MED29: variants seen among roughly 807,000 people sequenced by gnomAD.
MED29 encodes the protein mediator complex subunit 29, also known as mediator of RNA polymerase II transcription subunit 29.
MED29 carries 14 observed loss-of-function variants against 22.0 expected under a neutral mutation model. That is an observed-to-expected ratio of 0.64 (90% CI 0.42 to 0.99). The LOEUF (loss-of-function observed/expected upper bound fraction) is 0.99, where lower values mean the gene tolerates loss of function less well. Among genes scored for constraint, MED29 ranks in the 50% least tolerant of loss-of-function variants. MED29 has a pLI of 0.00. For synonymous variants in MED29, 123 were observed against 107.8 expected, an observed-to-expected ratio of 1.14 and a Z score of -0.87; for missense variants, 241 against 253.7, an observed-to-expected ratio of 0.95 and a Z score of 0.34.
At chr19:39,393,005 C>T (rs887618464) in intron 2 of MED29, among the ~76,000 whole-genome samples, 1 of 151,470 alleles carries the variant, frequency 6.6e-6, no homozygotes, top group Non-Finnish European at 1.5e-5. Flanking sequence ...CCACCTTGGC[C>T]TCCCAAAGTG....
rs1462421863 is a variant in MED29, at chr19:39,398,219, CTG to C, written c.*524_*525del. 7.8e-5 allele frequency: 13 copies of C among 166,612 alleles called. No individual in the cohort carries two copies. The highest frequency in any genetic ancestry group is 1.2e-4 in the Admixed American group (2 of 16,042). The allele number at this position is 166,612 out of a possible 1,614,324, so 10.3% of individuals were successfully genotyped here. A position where few individuals can be genotyped will look rare whatever the true frequency, so the allele number is the denominator to read the frequency against. ...CTATCCCCAGCTCCTAACTGGGACTCTGTGTCTATGCAGGGGGCCAGCACCCC... is the reference window on the plus strand; with the variant it reads ...CTATCCCCAGCTCCTAACTGGGACTCTGTCTATGCAGGGGGCCAGCACCCC... On this transcript the variant is annotated 3_prime_UTR_variant, in exon 4 of 4. Coordinates refer to ENST00000315588, the MANE Select transcript of MED29 (RefSeq NM_017592.4).
intron 3 of MED29, 112 bp from the exon 4 acceptor site, chr19:39,397,345 C>CT (rs1463439594): frequency 1.8e-5 from 22 of 1,227,732 alleles, no homozygotes; most frequent in Admixed American, 5.7e-5. Context: ...ACCTCTGACT[C>CT]TAAGACCTGG....
intron 2 of MED29, 102 bp downstream of exon 2, chr19:39,392,624 C>CTTTTTT (rs11432802): frequency 6.3e-5 from 33 of 520,392 alleles, no homozygotes; most frequent in South Asian, 1.7e-4. Context: ...TCTATATTTA[C>CTTTTTT]TTTTTTTTTT....
At chr19:39,392,322 ATTAC>A (rs757778185) in intron 1 of MED29, 138 bp from the exon 2 acceptor site, 38 of 723,442 alleles carry the variant, frequency 5.3e-5, no homozygotes, top group Non-Finnish European at 8.1e-5. Flanking sequence ...GGAAACGAAT[ATTAC>A]TTTGGAAAGT....
At chr19:39,392,389 A>G (rs1391461232) in intron 1 of MED29, 75 bp from the exon 2 acceptor site, 11 of 1,303,388 alleles carry the variant, frequency 8.4e-6, no homozygotes, top group South Asian at 2.4e-5. Context: ...TGATCTCAAG[A>G]AAGAGTGTAG....
chr19:39,392,623 A>AATTTT, intron 2 of MED29, 101 bp downstream of exon 2: 1 of 619,038 alleles, frequency 1.6e-6, no homozygotes. Context: ...TTCTATATTT[A>AATTTT]CTTTTTTTTT....
intron 1 of MED29, among the ~76,000 whole-genome samples, 188 bp from the exon 2 acceptor site, chr19:39,392,276 C>T (rs2078390147): frequency 6.6e-6 from 1 of 152,004 alleles, no homozygotes; most frequent in Non-Finnish European, 1.5e-5. Flanking sequence ...TGAGAGCGGG[C>T]CTCTGGGAGG....
Position 39,391,490 on chromosome 19 carries a change from C to T in MED29, c.68C>T (p.Ala23Val). ...GCTGGTGTATCGGGTCCTAGTTCGG[C>T]TGGCGGCCCGGGTCCCCAGCAGCAG... is the stretch of plus-strand genomic sequence containing the variant. ...SAAGVSGPSSAGGPGPQQQPQ... is the reference protein window; with the variant it reads ...SAAGVSGPSSVGGPGPQQQPQ... The change falls in exon 1 of 4, where the codon GCT becomes GTT. Residue 23 changes from alanine to valine, a missense_variant. Physicochemically the swap from Ala to Val is moderately conservative, Grantham distance 64 (BLOSUM62 0). Transcript: ENST00000315588. 1 of 1,612,926 alleles carries T rather than the reference C, an allele frequency of 6.2e-7. No individual in the cohort carries two copies. Among genetic ancestry groups the T allele is most frequent in the Non-Finnish European group, 8.5e-7 (1 of 1,179,874 alleles).
At chr19:39,394,839 G>A (rs906401113) in intron 3 of MED29, among the ~76,000 whole-genome samples, 4 of 151,298 alleles carry the variant, frequency 2.6e-5, no homozygotes, top group Non-Finnish European at 2.9e-5. Context: ...TGGGATTACA[G>A]GCGTGAGCTA....
At chr19:39,393,829 A>C (rs557678047) in intron 3 of MED29, among the ~76,000 whole-genome samples, 192 bp downstream of exon 3, 2 of 152,312 alleles carry the variant, frequency 1.3e-5, no homozygotes, top group East Asian at 3.9e-4. Flanking sequence ...GTGGAATAAT[A>C]AGCACACCCC....
chr19:39,395,311 T>C (rs1421630050), intron 3 of MED29, among the ~76,000 whole-genome samples: 1 of 152,222 alleles, frequency 6.6e-6, no homozygotes, highest in Non-Finnish European at 1.5e-5. Flanking sequence ...ATTTTGAATA[T>C]AATCCTAAGG....
chr19:39,397,526 G>T lies in MED29; in HGVS notation c.430G>T (p.Ala144Ser). The change falls in exon 4 of 4, where the codon GCC (alanine) becomes TCC (serine). Residue 144 changes from alanine (A) to serine (S), a missense_variant. Physicochemically the swap from Ala to Ser is moderately conservative, Grantham distance 99. Coordinates refer to ENST00000315588, the MANE Select transcript of MED29 (RefSeq NM_017592.4). ...AKHSPTLVPTATKPDAVQPDS... is the reference protein window; with the variant it reads ...AKHSPTLVPTSTKPDAVQPDS... Reference sequence around the variant, plus strand: ...GCACTCTCCAACGTTGGTGCCCACAGCCACCAAGCCCGACGCAGTGCAGCC... The same window carrying T: ...GCACTCTCCAACGTTGGTGCCCACATCCACCAAGCCCGACGCAGTGCAGCC... 6.2e-7 allele frequency: 1 copy of T among 1,612,700 alleles called. No homozygotes were observed.
At position 39,393,134 on chromosome 19, in the gene MED29, C is replaced by T. The variant is rs1360688797; in HGVS notation, c.276-419C>T. 1.0e-4 allele frequency among the ~76,000 whole-genome samples: 12 copies of T among 115,654 alleles called. No homozygotes were observed. The East Asian group carries it at 2.0e-3, about 19-fold the overall frequency. 75.9% of individuals were successfully genotyped at this position (115,654 alleles called of 152,430 possible). The stretch of plus-strand genomic sequence containing the variant: ...TTTTTGAGACAGAGTCTTGCTCTGT[C>T]GCCCAGGCTGGAGTGCAGTGGTGTA... On this transcript the variant is annotated intron_variant, in intron 2 of 3. Coordinates refer to ENST00000315588, the MANE Select transcript of MED29 (RefSeq NM_017592.4).
chr19:39,400,005 G>A lies in MED29; in HGVS notation c.*2306G>A, dbSNP rs1404945076. On this transcript the variant is annotated 3_prime_UTR_variant, in exon 4 of 4. Transcript: ENST00000315588. ...GCCCAAGGCCTGTATTTGTGGAGCT[G>A]ATGTTCTAGTGAGAGACAGTAAATG... The A allele has an allele frequency of 1.4e-4, 21 of 152,244 alleles. No homozygotes were observed. 9.4% of individuals were successfully genotyped at this position (152,244 alleles called of 1,614,324 possible).
At position 39,399,052 on chromosome 19, in the gene MED29, A is replaced by G. The variant is rs1486283397; in HGVS notation, c.*1353A>G. On this transcript the variant is annotated 3_prime_UTR_variant, in exon 4 of 4. Coordinates refer to ENST00000315588, the MANE Select transcript of MED29 (RefSeq NM_017592.4). ...CTAGGAGGAATTTCTCCTTCAGGGG[A>G]GCCTCAGTTTTGCCCATTTATCTAA... 2 of 152,184 alleles carry G rather than the reference A, an allele frequency of 1.3e-5. No individual in the cohort carries two copies. Among genetic ancestry groups the G allele is most frequent in the African/African-American group, 4.8e-5 (2 of 41,438 alleles). The allele number at this position is 152,184 out of a possible 1,614,324, so 9.4% of individuals were successfully genotyped here. A position where few individuals can be genotyped will look rare whatever the true frequency, so the allele number is the denominator to read the frequency against.
At chr19:39,395,912 G>A (rs1411065865) in intron 3 of MED29, among the ~76,000 whole-genome samples, 16 of 148,798 alleles carry the variant, frequency 1.1e-4, no homozygotes, top group South Asian at 4.3e-4. Context: ...GCGAGACTCC[G>A]TCTCAAAAAA....
chr19:39,392,042 TAAATA>T (rs1338594894), intron 1 of MED29, among the ~76,000 whole-genome samples: 1 of 152,026 alleles, frequency 6.6e-6, no homozygotes, highest in East Asian at 1.9e-4. Context: ...AATAAATAAA[TAAATA>T]AAACTGTTGT....
chr19:39,392,641 T>TTC, intron 2 of MED29, 119 bp downstream of exon 2: 1 of 908,100 alleles, frequency 1.1e-6, no homozygotes, highest in East Asian at 2.7e-5. Flanking sequence ...TTTTTTTTTT[T>TTC]TTTGAGACAG....
At chr19:39,393,072 CTTTCTTTTCTTTTTTTTTT>C (rs2078405497) in intron 2 of MED29, among the ~76,000 whole-genome samples, 3 of 86,128 alleles carry the variant, frequency 3.5e-5, no homozygotes, top group African/African-American at 4.6e-5. Context: ...TTCTTTCTTT[CTTTCTTTTCTTTTTTTTTT>C]TTTTTTTTTT....
Sources: allele counts gnomAD v4.1 joint callset (sites outside exome capture counted in the v4.1 genomes callset), GRCh38; gene constraint gnomAD v4.1.1; transcripts MANE v1.5; gene names NCBI Gene and HGNC (gene_info 2026-07-23, HGNC 2026-07-21).